EYS: variants seen among roughly 807,000 people sequenced by gnomAD.
EYS encodes protein eyes shut homolog.
In EYS, 250 loss-of-function variants were observed where a neutral mutation model predicts 282.1. That is an observed-to-expected ratio of 0.89 (90% CI 0.80 to 0.98). The LOEUF (loss-of-function observed/expected upper bound fraction) is 0.98, where lower values mean the gene tolerates loss of function less well. Among genes scored for constraint, EYS ranks in the 50% least tolerant of loss-of-function variants. The pLI, the probability that EYS is intolerant of heterozygous loss-of-function variation, is 0.00. For synonymous variants in EYS, 1,355 were observed against 1,282.9 expected (o/e 1.06, Z -1.20); for missense variants, 4,016 against 3,709.0 (o/e 1.08, Z -2.15).
chr6:64,165,264 C>G (rs1174583947), intron 31 of EYS, among the ~76,000 whole-genome samples: 1 of 151,994 alleles, frequency 6.6e-6, no homozygotes, highest in Non-Finnish European at 1.5e-5. Flanking sequence ...AGAAAGAATG[C>G]TTCAAATTGT....
chr6:64,900,108 C>A (rs545668533), intron 18 of EYS, among the ~76,000 whole-genome samples: 1 of 152,192 alleles, frequency 6.6e-6, no homozygotes, highest in East Asian at 1.9e-4. Flanking sequence ...TTTGACAAAG[C>A]TGACAAAAAC....
chr6:64,844,124 CCT>C (rs1765647449), intron 19 of EYS, among the ~76,000 whole-genome samples: 1 of 152,088 alleles, frequency 6.6e-6, no homozygotes, highest in Admixed American at 6.6e-5. Flanking sequence ...TCCAATTAAA[CCT>C]CTCTTTCTTC....
At chr6:65,251,720 C>T (rs1224343652) in intron 12 of EYS, among the ~76,000 whole-genome samples, 1 of 151,866 alleles carries the variant, frequency 6.6e-6, no homozygotes, top group Non-Finnish European at 1.5e-5. Context: ...CTCAAATATC[C>T]ATAGTCTGAA....
chr6:64,637,590 T>C lies in EYS; in HGVS notation c.3444-11345A>G, dbSNP rs1768025592. ...CACATGAACCCTAAAACTTAAAGTA[T>C]AATAATAACAAAATTAAAAAAAAGA... On this transcript the variant is annotated intron_variant, in intron 22 of 42. Coordinates refer to ENST00000503581, the MANE Select transcript of EYS (RefSeq NM_001142800.2). 2.2e-5 allele frequency among the ~76,000 whole-genome samples: 2 copies of C among 90,352 alleles called. 1 individual carries two copies. Among genetic ancestry groups the C allele is most frequent in the African/African-American group, 8.5e-5 (2 of 23,594 alleles). 59.3% of individuals were successfully genotyped at this position (90,352 alleles called of 152,430 possible).
At chr6:64,186,883 C>T (rs572174167) in intron 31 of EYS, among the ~76,000 whole-genome samples, 11 of 152,218 alleles carry the variant, frequency 7.2e-5, no homozygotes, top group African/African-American at 2.2e-4. Context: ...GGATAATAAG[C>T]GACCGCTTTC....
At chr6:64,901,293 A>AGT (rs1235544295) in intron 18 of EYS, among the ~76,000 whole-genome samples, 2 of 41,582 alleles carry the variant, frequency 4.8e-5, no homozygotes, top group Non-Finnish European at 8.7e-5. Context: ...TATGTAGTTG[A>AGT]GTATATATAT....
At chr6:64,629,168 G>A (rs932684618) in intron 22 of EYS, among the ~76,000 whole-genome samples, 9 of 152,066 alleles carry the variant, frequency 5.9e-5, no homozygotes, top group African/African-American at 2.2e-4. Context: ...CATTGGTCAA[G>A]TATTTTGTAA....
rs1484557020 is a variant in EYS at position 64,637,285 on chromosome 6, C to G, written c.3444-11040G>C. On this transcript the variant is annotated intron_variant, in intron 22 of 42. Coordinates refer to ENST00000503581, the MANE Select transcript of EYS (RefSeq NM_001142800.2). ...GCCATAAAAAATGAAGAGTTCATGT[C>G]CTTTGTAGGGACATGGATGAAACTG... Among the ~76,000 whole-genome samples, 3 of 90,454 alleles carry G rather than the reference C, an allele frequency of 3.3e-5. 1 individual carries two copies. Among genetic ancestry groups the G allele is most frequent in the Non-Finnish European group, 7.1e-5 (3 of 42,090 alleles). The allele number at this position is 90,454 out of a possible 152,430, so 59.3% of individuals were successfully genotyped here.
At chr6:64,997,473 T>C in intron 14 of EYS, 109 bp downstream of exon 14, 1 of 995,310 alleles carries the variant, frequency 1.0e-6, no homozygotes, top group Non-Finnish European at 1.4e-6. Context: ...TAAGCATATG[T>C]AATATATATA....
At chr6:65,078,711 T>C (rs1269552147) in intron 12 of EYS, among the ~76,000 whole-genome samples, 1 of 151,964 alleles carries the variant, frequency 6.6e-6, no homozygotes, top group Non-Finnish European at 1.5e-5. Context: ...AAACTAAGCA[T>C]AAAGAACATT....
chr6:65,566,298 G>A (rs564961607), intron 2 of EYS, among the ~76,000 whole-genome samples: 96 of 151,918 alleles, frequency 6.3e-4, no homozygotes, highest in Non-Finnish European at 1.1e-3. Context: ...ACCAAGTGGC[G>A]CACTCAGCTC....
intron 30 of EYS, among the ~76,000 whole-genome samples, chr6:64,297,269 A>G (rs542537821): frequency 6.6e-6 from 1 of 152,298 alleles, no homozygotes; most frequent in East Asian, 1.9e-4. Context: ...ACCACCTTGA[A>G]CTATTTTTCT....
At position 65,003,375 on chromosome 6, in the gene EYS, G is replaced by A. The variant is rs1038171048; in HGVS notation, c.2138-5672C>T. On this transcript the variant is annotated intron_variant, in intron 13 of 42. Coordinates refer to ENST00000503581, the MANE Select transcript of EYS (RefSeq NM_001142800.2). ...CTGCCTAATAAATTTTGGTCAGACC[G>A]GTTGCTCTCAAAACCCTGTCTCCTG... 3.4e-5 allele frequency among the ~76,000 whole-genome samples: 5 copies of A among 146,618 alleles called. 1 individual carries two copies. The highest frequency in any genetic ancestry group is 2.2e-4 in the South Asian group (1 of 4,510).
At chr6:65,344,893 C>T (rs1770336901) in intron 9 of EYS, among the ~76,000 whole-genome samples, 1 of 151,600 alleles carries the variant, frequency 6.6e-6, no homozygotes, top group Non-Finnish European at 1.5e-5. Context: ...GACTACATCT[C>T]CTAGTAAACA....
rs150180121 is a variant in EYS, at chr6:64,377,186, A to T, written c.6078+11504T>A. On this transcript the variant is annotated intron_variant, in intron 29 of 42. Coordinates refer to ENST00000503581, the MANE Select transcript of EYS (RefSeq NM_001142800.2). ...ATTTATTTTTGTCAGCTCTTATCTC[A>T]TTGAAAAAAAGCATACTAATGAATT... Among the ~76,000 whole-genome samples, 364 of 152,254 alleles carry T rather than the reference A, an allele frequency of 2.4e-3. 2 individuals carry two copies. The highest frequency in any genetic ancestry group is 8.2e-3 in the African/African-American group (341 of 41,552).
rs548150962 is a variant in EYS, at chr6:65,290,403, AT to A, written c.2023+5459del. On this transcript the variant is annotated intron_variant, in intron 12 of 42. Coordinates refer to ENST00000503581, the MANE Select transcript of EYS (RefSeq NM_001142800.2). ...AAATTGATTTTGATTTTATGACTAT[AT>A]TTTTTTCTCATGTTTTATTAGTTTT... 1.2e-4 allele frequency among the ~76,000 whole-genome samples: 18 copies of A among 151,212 alleles called. 1 individual carries two copies. The highest frequency in any genetic ancestry group is 6.2e-4 in the South Asian group (3 of 4,824).
intron 19 of EYS, among the ~76,000 whole-genome samples, chr6:64,833,191 A>G (rs1030379606): frequency 8.6e-5 from 13 of 151,946 alleles, no homozygotes; most frequent in African/African-American, 2.4e-4. Flanking sequence ...TTTACATGGT[A>G]AAGTATTTCA....
intron 18 of EYS, among the ~76,000 whole-genome samples, chr6:64,896,305 A>C (rs909682502): frequency 8.5e-5 from 13 of 152,054 alleles, no homozygotes; most frequent in African/African-American, 3.1e-4. Context: ...AGGGTGGGGC[A>C]CTGCCTCACC....
At chr6:63,978,802 T>A (rs1293600044) in intron 35 of EYS, among the ~76,000 whole-genome samples, 1 of 151,892 alleles carries the variant, frequency 6.6e-6, no homozygotes, top group East Asian at 1.9e-4. Flanking sequence ...TCCTACCTCA[T>A]TTTGAAGTGC....
Sources: allele counts gnomAD v4.1 joint callset (sites outside exome capture counted in the v4.1 genomes callset), GRCh38; gene constraint gnomAD v4.1.1; transcripts MANE v1.5; gene names NCBI Gene and HGNC (gene_info 2026-07-23, HGNC 2026-07-21).